The following GALNTL6 variants were observed in gnomAD, a reference collection of about 807,000 sequenced individuals.
The protein encoded by GALNTL6 is polypeptide N-acetylgalactosaminyltransferase like 6.
GALNTL6 carries 46 observed loss-of-function variants against 73.7 expected under a neutral mutation model. That is an observed-to-expected ratio of 0.62 (90% CI 0.49 to 0.80). The LOEUF is 0.80. Ranked by LOEUF, GALNTL6 falls within the 30% of genes least tolerant of loss-of-function variation. The probability of loss-of-function intolerance (pLI) is 0.00; values close to 1 mark genes in which losing one functional copy is unlikely to be tolerated. For missense variants in GALNTL6, 604 were observed against 755.0 expected, an observed-to-expected ratio of 0.80 and a Z score of 2.34; for synonymous variants, 259 against 263.7, an observed-to-expected ratio of 0.98 and a Z score of 0.17.
intron 7 of GALNTL6, among the ~76,000 whole-genome samples, chr4:172,831,115 A>ACC (rs1560981147): frequency 7.4e-6 from 1 of 134,856 alleles, no homozygotes; most frequent in Non-Finnish European, 1.5e-5. Flanking sequence ...CGGAGATCGC[A>ACC]CCACTGCACT....
chr4:171,890,102 G>A (rs1736720284), intron 2 of GALNTL6, among the ~76,000 whole-genome samples: 1 of 152,078 alleles, frequency 6.6e-6, no homozygotes, highest in African/African-American at 2.4e-5. Flanking sequence ...AATAGTTAAA[G>A]TTTCTGTGTA....
chr4:172,075,381 C>A (rs1419795458), intron 2 of GALNTL6, among the ~76,000 whole-genome samples: 2 of 152,090 alleles, frequency 1.3e-5, no homozygotes, highest in Admixed American at 1.3e-4. Flanking sequence ...GTCGCCCAGG[C>A]TGGAGTGCAG....
rs377236103 is a variant in GALNTL6, at chr4:172,459,839, C to A, written c.553+111150C>A. 9.8e-4 allele frequency among the ~76,000 whole-genome samples: 149 copies of A among 152,220 alleles called. 4 individuals are homozygous for A. In the South Asian group the frequency reaches 0.03, roughly 31 times the overall value. ...TCCCCATCAAGCTACCATTGACTTT[C>A]TTCACAGAATTAGGAAAAAAACTAC... is the stretch of plus-strand genomic sequence containing the variant. On this transcript the variant is annotated intron_variant, in intron 5 of 12. Transcript: ENST00000506823.
chr4:172,887,495 C>A (rs1354084707), intron 8 of GALNTL6, among the ~76,000 whole-genome samples: 3 of 151,726 alleles, frequency 2.0e-5, no homozygotes, highest in African/African-American at 7.3e-5. Flanking sequence ...TATAAGTGTT[C>A]TTTTTTCTCT....
intron 5 of GALNTL6, among the ~76,000 whole-genome samples, chr4:172,481,147 C>T (rs1280145501): frequency 2.6e-5 from 4 of 151,994 alleles, no homozygotes; most frequent in Admixed American, 6.6e-5. Context: ...CTGGTGGGTT[C>T]GTGGTCTTGC....
intron 2 of GALNTL6, among the ~76,000 whole-genome samples, chr4:171,926,881 T>C (rs1441776944): frequency 1.3e-5 from 2 of 152,150 alleles, no homozygotes; most frequent in Non-Finnish European, 2.9e-5. Context: ...TTGCACATAG[T>C]TTCTACTTTT....
chr4:172,230,603 A>G (rs1332620788), intron 3 of GALNTL6, among the ~76,000 whole-genome samples: 2 of 152,044 alleles, frequency 1.3e-5, no homozygotes, highest in African/African-American at 2.4e-5. Context: ...ACAAAAAAGA[A>G]TAAGTCTTTC....
chr4:172,686,260 T>A (rs1732909665), intron 5 of GALNTL6, among the ~76,000 whole-genome samples: 1 of 151,732 alleles, frequency 6.6e-6, no homozygotes, highest in Admixed American at 6.6e-5. Context: ...CTCTATCATC[T>A]CTCCTTGCTC....
intron 2 of GALNTL6, among the ~76,000 whole-genome samples, chr4:172,109,300 A>G (rs1309416398): frequency 1.3e-5 from 2 of 152,178 alleles, no homozygotes; most frequent in Non-Finnish European, 2.9e-5. Flanking sequence ...AGTCAAATGT[A>G]GCAAGTATTG....
intron 2 of GALNTL6, among the ~76,000 whole-genome samples, chr4:172,012,814 A>G (rs968399616): frequency 6.6e-6 from 1 of 152,090 alleles, no homozygotes; most frequent in Non-Finnish European, 1.5e-5. Context: ...TATAATTTAC[A>G]TAAATAAAAT....
chr4:172,416,190 C>T (rs2111352446), intron 5 of GALNTL6, among the ~76,000 whole-genome samples: 1 of 152,280 alleles, frequency 6.6e-6, no homozygotes, highest in South Asian at 2.1e-4. Flanking sequence ...GAAAGCACAA[C>T]ATTAGACGTA....
chr4:173,022,565 T>C (rs778329663), intron 12 of GALNTL6, among the ~76,000 whole-genome samples: 1 of 152,230 alleles, frequency 6.6e-6, no homozygotes, highest in Non-Finnish European at 1.5e-5. Context: ...GCTCACTTGC[T>C]TGGGACCTGT....
chr4:172,975,389 C>A (rs925516578), intron 10 of GALNTL6, among the ~76,000 whole-genome samples: 2 of 152,182 alleles, frequency 1.3e-5, no homozygotes, highest in Admixed American at 1.3e-4. Flanking sequence ...AGCTGGTAGT[C>A]CCCACATCTG....
At chr4:172,118,511 C>A (rs1314113114) in intron 2 of GALNTL6, among the ~76,000 whole-genome samples, 1 of 151,954 alleles carries the variant, frequency 6.6e-6, no homozygotes, top group Non-Finnish European at 1.5e-5. Context: ...ACAAGCCTTA[C>A]CAACATGGTG....
chr4:172,617,772 T>C (rs1972443), intron 5 of GALNTL6, among the ~76,000 whole-genome samples: 151,649 of 152,320 alleles, frequency 1, 75,493 homozygotes, highest in Middle Eastern at 1. Flanking sequence ...TGAGCCACCG[T>C]GCCCAGCCTT....
intron 7 of GALNTL6, among the ~76,000 whole-genome samples, chr4:172,881,057 G>A (rs954788060): frequency 3.3e-5 from 5 of 152,150 alleles, no homozygotes; most frequent in African/African-American, 1.2e-4. Flanking sequence ...AATCAAATGA[G>A]AATATGTTTG....
chr4:172,768,433 G>A (rs749917548), intron 5 of GALNTL6, among the ~76,000 whole-genome samples: 80 of 152,130 alleles, frequency 5.3e-4, no homozygotes, highest in Non-Finnish European at 1.0e-4. Context: ...ACACCATTGT[G>A]AGAACGAATT....
chr4:172,673,565 G>T (rs1732111225), intron 5 of GALNTL6, among the ~76,000 whole-genome samples: 1 of 152,170 alleles, frequency 6.6e-6, no homozygotes, highest in Non-Finnish European at 1.5e-5. Flanking sequence ...AATATTGTCA[G>T]TGGGTTGTTA....
intron 2 of GALNTL6, among the ~76,000 whole-genome samples, chr4:172,018,879 TG>T (rs1474873444): frequency 1.3e-5 from 2 of 152,124 alleles, no homozygotes; most frequent in South Asian, 4.1e-4. Context: ...ATGGCTTCCC[TG>T]GGTGCAAGCT....
Sources: gnomAD v4.1 joint callset for allele counts (sites outside exome capture counted in the v4.1 genomes callset) on GRCh38, gnomAD v4.1.1 for gene constraint, MANE v1.5 for transcripts, NCBI Gene and HGNC (gene_info 2026-07-23, HGNC 2026-07-21) for gene names.